CELF2: variants seen among roughly 807,000 people sequenced by gnomAD.
CELF2 encodes the protein CUGBP Elav-like family member 2.
CELF2 carries 8 observed loss-of-function variants against 62.6 expected under a neutral mutation model. The ratio of observed to expected loss-of-function variants is 0.13; its 90% CI spans 0.07 to 0.23. CELF2 has a LOEUF of 0.23. Ranked by LOEUF, CELF2 falls within the 10% of genes least tolerant of loss-of-function variation. The probability of loss-of-function intolerance (pLI) is 1.00; values close to 1 mark genes in which losing one functional copy is unlikely to be tolerated. For synonymous variants in CELF2, 258 were observed against 250.0 expected (o/e 1.03, Z -0.30); for missense variants, 333 against 671.0 (o/e 0.50, Z 5.56).
At chr10:10,525,390 G>C in the CELF2 span, among the ~76,000 whole-genome samples, 1 of 151,996 alleles carries the variant, frequency 6.6e-6, no homozygotes. Flanking sequence ...AGCTCATCAG[G>C]TATAGTCAGT....
intron 1 of CELF2, among the ~76,000 whole-genome samples, chr10:11,031,467 A>C (rs111824572): frequency 0.018 from 2,717 of 152,312 alleles, 69 homozygotes; most frequent in African/African-American, 0.059. Flanking sequence ...CTACTTCTAG[A>C]TACCCAATGT....
chr10:11,155,419 G>C (rs992258510), intron 1 of CELF2, among the ~76,000 whole-genome samples: 1 of 152,062 alleles, frequency 6.6e-6, no homozygotes, highest in Non-Finnish European at 1.5e-5. Context: ...TTTGCTCCTC[G>C]TCTTCTCCTG....
chr10:10,729,168 A>G, the CELF2 span, among the ~76,000 whole-genome samples: 1 of 152,252 alleles, frequency 6.6e-6, no homozygotes, highest in African/African-American at 2.4e-5. Context: ...AGAGGACCAG[A>G]TAAAAATACC....
chr10:10,679,697 CA>C, the CELF2 span, among the ~76,000 whole-genome samples: 1 of 152,276 alleles, frequency 6.6e-6, no homozygotes, highest in East Asian at 1.9e-4. Flanking sequence ...CCACAATTAT[CA>C]ACACAATATT....
the CELF2 span, among the ~76,000 whole-genome samples, chr10:10,669,940 T>G: frequency 7.0e-6 from 1 of 142,478 alleles, no homozygotes; most frequent in African/African-American, 2.6e-5. Context: ...TTTGCTCTTG[T>G]CACTCAGGCT....
the CELF2 span, among the ~76,000 whole-genome samples, chr10:10,597,003 T>C: frequency 1.3e-5 from 2 of 152,170 alleles, no homozygotes; most frequent in African/African-American, 4.8e-5. Flanking sequence ...ATCTGCCAAC[T>C]ACTACCAAAG....
the CELF2 span, among the ~76,000 whole-genome samples, chr10:10,594,492 A>G: frequency 6.6e-6 from 1 of 152,198 alleles, no homozygotes; most frequent in Non-Finnish European, 1.5e-5. Flanking sequence ...CTAAGCTCAG[A>G]GAAGAGCCCA....
the CELF2 span, among the ~76,000 whole-genome samples, chr10:10,564,525 A>T: frequency 6.6e-6 from 1 of 152,122 alleles, no homozygotes; most frequent in African/African-American, 2.4e-5. Context: ...GTCACCAGGG[A>T]CAAAGACAAA....
At chr10:10,745,107 G>T in the CELF2 span, among the ~76,000 whole-genome samples, 4 of 115,576 alleles carry the variant, frequency 3.5e-5, no homozygotes, top group African/African-American at 1.3e-4. Context: ...TCAAAACCAT[G>T]CCACGTAAAA....
chr10:10,494,779 TATG>T, the CELF2 span, among the ~76,000 whole-genome samples: 2 of 152,244 alleles, frequency 1.3e-5, no homozygotes, highest in East Asian at 3.9e-4. Context: ...TAAAAAATAA[TATG>T]ATTAGACTCT....
At chr10:10,959,775 C>T (rs2049287710) in intron 2 of CELF2, among the ~76,000 whole-genome samples, 1 of 152,204 alleles carries the variant, frequency 6.6e-6, no homozygotes, top group Admixed American at 6.5e-5. Flanking sequence ...CCCCATACCC[C>T]ACAGGAAATG....
chr10:11,098,790 A>G lies in CELF2; in HGVS notation c.75-66696A>G, dbSNP rs180675607. Among the ~76,000 whole-genome samples, 207 of 152,274 alleles carry G rather than the reference A, an allele frequency of 1.4e-3. 3 individuals carry two copies. Among genetic ancestry groups the G allele is most frequent in the African/African-American group, 4.5e-3 (188 of 41,558 alleles). ...GTGGTTAATTTCTATGAACTGCTGG[A>G]CAGCTGATTTGACCGAGGCTTCTTG... On this transcript the variant is annotated intron_variant, in intron 1 of 12. Coordinates refer to ENST00000633077, the MANE Select transcript of CELF2 (RefSeq NM_001326342.2). The surrounding 1 kb of genome is among the most constrained non-coding windows in gnomAD (Gnocchi z 4.0).
At chr10:10,525,774 T>G in the CELF2 span, among the ~76,000 whole-genome samples, 4 of 152,236 alleles carry the variant, frequency 2.6e-5, no homozygotes, top group Non-Finnish European at 5.9e-5. Flanking sequence ...TCCTGTTGTC[T>G]AAAATGATGT....
At chr10:10,538,016 T>C in the CELF2 span, among the ~76,000 whole-genome samples, 71 of 151,958 alleles carry the variant, frequency 4.7e-4, no homozygotes, top group Non-Finnish European at 9.0e-4. Flanking sequence ...AGGAGGGTTA[T>C]GGGCAAAAGG....
the CELF2 span, among the ~76,000 whole-genome samples, chr10:10,499,069 C>CT: frequency 0.32 from 44,002 of 138,870 alleles, 7,351 homozygotes; most frequent in East Asian, 0.53. Flanking sequence ...AAGCATTCTA[C>CT]TTTTTTTTTT....
chr10:10,758,438 C>T, the CELF2 span, among the ~76,000 whole-genome samples: 1 of 152,148 alleles, frequency 6.6e-6, no homozygotes, highest in African/African-American at 2.4e-5. Flanking sequence ...GGAATATGGG[C>T]CTGTGAAATG....
At chr10:10,665,840 T>C in the CELF2 span, among the ~76,000 whole-genome samples, 1 of 152,234 alleles carries the variant, frequency 6.6e-6, no homozygotes, top group Non-Finnish European at 1.5e-5. Context: ...AAGAAGGGCA[T>C]AATGTTCTAA....
chr10:10,576,994 A>C, the CELF2 span, among the ~76,000 whole-genome samples: 2 of 152,210 alleles, frequency 1.3e-5, no homozygotes, highest in Non-Finnish European at 2.9e-5. Context: ...AGCAAGAAGG[A>C]AAACACTAAT....
intron 1 of CELF2, among the ~76,000 whole-genome samples, chr10:11,059,197 A>G (rs1294022043): frequency 5.3e-5 from 8 of 152,214 alleles, no homozygotes; most frequent in Admixed American, 3.9e-4. Context: ...TCATTTCACC[A>G]TGGCTCATCA....
Sources: allele counts gnomAD v4.1 joint callset (sites outside exome capture counted in the v4.1 genomes callset), GRCh38; gene constraint gnomAD v4.1.1; non-coding constraint Gnocchi (gnomAD v3.1); transcripts MANE v1.5; gene names NCBI Gene and HGNC (gene_info 2026-07-23, HGNC 2026-07-21).